The following BNIP2 variants were observed in gnomAD, a reference collection of about 807,000 sequenced individuals.
BNIP2 encodes BCL2 interacting protein 2.
BNIP2 carries 36 observed loss-of-function variants against 43.4 expected under a neutral mutation model. The observed-to-expected ratio is 0.83, with a 90% CI of 0.64 to 1.10. The LOEUF (loss-of-function observed/expected upper bound fraction) is 1.10. Among genes scored for constraint, BNIP2 ranks in the 50% least tolerant of loss-of-function variants. The probability of loss-of-function intolerance (pLI) is 0.00; values close to 1 mark genes in which losing one functional copy is unlikely to be tolerated. For missense variants in BNIP2, 417 were observed against 374.1 expected (o/e 1.11, Z -0.95); for synonymous variants, 146 against 121.0 (o/e 1.21, Z -1.35).
chr15:59,677,052 A>C (rs919004631), intron 5 of BNIP2: 69 of 1,611,682 alleles, frequency 4.3e-5, no homozygotes, highest in Non-Finnish European at 5.7e-5. Context: ...TGGCATTCAG[A>C]TGACTTCATC....
chr15:59,688,593 G>A (rs1284636886), intron 1 of BNIP2: 4 of 1,009,278 alleles, frequency 4.0e-6, no homozygotes, highest in Non-Finnish European at 4.4e-6. Context: ...AAACAGAAAG[G>A]GTTGTGTCTA....
chr15:59,667,052 T>G (rs938120382), intron 9 of BNIP2, among the ~76,000 whole-genome samples: 1 of 152,226 alleles, frequency 6.6e-6, no homozygotes, highest in African/African-American at 2.4e-5. Flanking sequence ...ATTTTTAATT[T>G]CAGCCACTTG....
intron 1 of BNIP2, among the ~76,000 whole-genome samples, chr15:59,683,391 T>C (rs1893816408): frequency 6.6e-6 from 1 of 152,248 alleles, no homozygotes; most frequent in African/African-American, 2.4e-5. Context: ...TTCATTTACA[T>C]TCAAGTCAAT....
chr15:59,678,094 AAATAC>A lies in BNIP2; in HGVS notation c.296-12_296-8del. 1 of 1,599,938 alleles carries A rather than the reference AAATAC, an allele frequency of 6.3e-7. No homozygotes were observed. Among genetic ancestry groups the A allele is most frequent in the Non-Finnish European group, 8.5e-7 (1 of 1,175,200 alleles). On this transcript the variant is annotated splice_region_variant and splice_polypyrimidine_tract_variant and intron_variant, in intron 4 of 9. Coordinates refer to ENST00000607373, the MANE Select transcript of BNIP2 (RefSeq NM_004330.4). Reference sequence around the variant, plus strand: ...TTGGGTTTTGGAAGATCATCTGTCAAAATACAAAGTTTTTGAATCACAAATTGTTA... The same window carrying A: ...TTGGGTTTTGGAAGATCATCTGTCAAAAAGTTTTTGAATCACAAATTGTTA...
At chr15:59,672,590 A>T in intron 6 of BNIP2, 47 bp downstream of exon 6, 1 of 1,344,070 alleles carries the variant, frequency 7.4e-7, no homozygotes, top group South Asian at 1.3e-5. Flanking sequence ...TGTAGATCTA[A>T]TTAGCTCACA....
chr15:59,669,507 A>G lies in BNIP2; in HGVS notation c.708-145T>C, dbSNP rs1892773260. On this transcript the variant is annotated intron_variant, in intron 7 of 9. Coordinates refer to ENST00000607373, the MANE Select transcript of BNIP2 (RefSeq NM_004330.4). ...GTGTGATACCCCTGTAGACAAGAAA[A>G]TGCACTCTTAAATTCTTATGGTCCC... 3 of 537,076 alleles carry G rather than the reference A, an allele frequency of 5.6e-6. No homozygotes were observed. The Admixed American group carries it at 1.1e-4, about 20-fold the overall frequency. 33.3% of individuals were successfully genotyped at this position (537,076 alleles called of 1,614,324 possible). A position where few individuals can be genotyped will look rare whatever the true frequency, so the allele number is the denominator to read the frequency against.
chr15:59,684,181 C>T (rs6151465), intron 1 of BNIP2, among the ~76,000 whole-genome samples: 49,931 of 151,762 alleles, frequency 0.33, 8,503 homozygotes, highest in East Asian at 0.54. Context: ...TTTTTACTTA[C>T]CCTCAAGAGA....
At chr15:59,678,839 A>C (rs1893474889) in intron 4 of BNIP2, 3 of 1,303,308 alleles carry the variant, frequency 2.3e-6, no homozygotes, top group Non-Finnish European at 1.0e-6. Context: ...AAATGACTAC[A>C]GCAGCATTAA....
At position 59,678,099 on chromosome 15, in the gene BNIP2, C is replaced by T. The variant is rs2307272; in HGVS notation, c.296-12G>A. The T allele has an allele frequency of 2.9e-4, 459 of 1,595,152 alleles. 3 individuals are homozygous for T. The East Asian group carries it at 0.01, about 35-fold the overall frequency. On this transcript the variant is annotated splice_polypyrimidine_tract_variant and intron_variant, in intron 4 of 9. Transcript: ENST00000607373. ...TTTTGGAAGATCATCTGTCAAAATA[C>T]AAAGTTTTTGAATCACAAATTGTTA...
Position 59,662,524 on chromosome 15 carries a change from T to G in BNIP2, c.*1545A>C, listed in dbSNP as rs1871499. On this transcript the variant is annotated 3_prime_UTR_variant, in exon 10 of 10. Coordinates refer to ENST00000607373, the MANE Select transcript of BNIP2 (RefSeq NM_004330.4). Reference sequence around the variant, plus strand: ...TCTCTCTCCTATAACTGGTTTTAAGTTAGCATGCCAAGTTTAGGACTGAGG... The same window carrying G: ...TCTCTCTCCTATAACTGGTTTTAAGGTAGCATGCCAAGTTTAGGACTGAGG... The G allele has an allele frequency of 5.5e-4, 84 of 152,128 alleles. No individual in the cohort carries two copies. The highest frequency in any genetic ancestry group is 2.0e-3 in the African/African-American group (81 of 41,494). The allele number at this position is 152,128 out of a possible 1,614,324, so 9.4% of individuals were successfully genotyped here. A position where few individuals can be genotyped will look rare whatever the true frequency, so the allele number is the denominator to read the frequency against.
intron 4 of BNIP2, among the ~76,000 whole-genome samples, chr15:59,679,022 AAAC>A (rs1384757606): frequency 2.0e-5 from 3 of 152,206 alleles, no homozygotes; most frequent in Non-Finnish European, 4.4e-5. Context: ...ACTACTATGA[AAAC>A]AAAATCATTT....
Position 59,678,146 on chromosome 15 carries a change from C to T in BNIP2, c.296-59G>A, listed in dbSNP as rs1399053908. On this transcript the variant is annotated intron_variant, in intron 4 of 9. Coordinates refer to ENST00000607373, the MANE Select transcript of BNIP2 (RefSeq NM_004330.4). ...GTTACACAACAAAAATCAAATTATA[C>T]GTTAACCACTTTACTACCTAGATTT... The T allele has an allele frequency of 2.0e-5, 30 of 1,516,196 alleles. No homozygotes were observed. The East Asian group carries it at 2.4e-4, about 12-fold the overall frequency. The allele number at this position is 1,516,196 out of a possible 1,614,324, so 93.9% of individuals were successfully genotyped here. A position where few individuals can be genotyped will look rare whatever the true frequency, so the allele number is the denominator to read the frequency against.
Position 59,664,093 on chromosome 15 carries a change from T to C in BNIP2, c.921A>G (p.Gln307=), listed in dbSNP as rs775750558. 13 of 1,549,592 alleles carry C rather than the reference T, an allele frequency of 8.4e-6. No homozygotes were observed. The highest frequency in any genetic ancestry group is 1.2e-5 in the South Asian group (1 of 83,146). Reference sequence around the variant, plus strand: ...CTTACTGTTCATTTTTCGGTTCATCTTGTTTTCCATTAAGTTCTTGATCAA... The same window carrying C: ...CTTACTGTTCATTTTTCGGTTCATCCTGTTTTCCATTAAGTTCTTGATCAA... ...KQVDQELNGK[Q]DEPKNEQ is the part of the protein sequence containing the mutation. The change falls in exon 10 of 10, where the codon CAA becomes CAG. Residue 307 remains glutamine (Q), a synonymous_variant. Transcript: ENST00000607373.
intron 1 of BNIP2, 150 bp from the exon 2 acceptor site, chr15:59,682,664 T>C: frequency 1.8e-6 from 1 of 569,540 alleles, no homozygotes; most frequent in East Asian, 3.0e-5. Flanking sequence ...TTTTTTTTTT[T>C]TTTTAAAGAA....
intron 7 of BNIP2, 52 bp from the exon 8 acceptor site, chr15:59,669,414 T>C (rs1892767068): frequency 8.2e-7 from 1 of 1,226,486 alleles, no homozygotes; most frequent in Non-Finnish European, 1.1e-6. Context: ...AAAATTTCTA[T>C]AAATTCTAAT....
intron 9 of BNIP2, among the ~76,000 whole-genome samples, chr15:59,667,615 A>T (rs1892642491): frequency 6.6e-6 from 1 of 152,234 alleles, no homozygotes; most frequent in Admixed American, 6.5e-5. Context: ...TTAGCAAGCC[A>T]TTTAATTTAA....
At chr15:59,688,883 G>A in intron 1 of BNIP2, 3 of 1,474,536 alleles carry the variant, frequency 2.0e-6, no homozygotes, top group South Asian at 1.3e-5. Flanking sequence ...TACCAGAAAC[G>A]GAAAAGCGAC....
intron 6 of BNIP2, among the ~76,000 whole-genome samples, 200 bp from the exon 7 acceptor site, chr15:59,671,514 T>G (rs1236958591): frequency 2.6e-5 from 4 of 152,210 alleles, no homozygotes; most frequent in Non-Finnish European, 5.9e-5. Flanking sequence ...GTGAAATGAT[T>G]TGCTCCTGGG....
At chr15:59,679,508 T>A in intron 4 of BNIP2, 84 bp downstream of exon 4, 1 of 1,382,964 alleles carries the variant, frequency 7.2e-7, no homozygotes, top group South Asian at 1.4e-5. Context: ...AACAAATATA[T>A]GAACTTTAGA....
Sources: gnomAD v4.1 joint callset for allele counts (sites outside exome capture counted in the v4.1 genomes callset) on GRCh38, gnomAD v4.1.1 for gene constraint, MANE v1.5 for transcripts, NCBI Gene and HGNC (gene_info 2026-07-23, HGNC 2026-07-21) for gene names.